Variants in DOCK8 observed in about 807,000 individuals in gnomAD.
DOCK8 encodes the protein dedicator of cytokinesis 8.
A neutral mutation model predicts 245.6 loss-of-function variants in DOCK8; 141 were observed. The observed-to-expected ratio is 0.57, with a 90% CI of 0.50 to 0.66. The LOEUF is 0.66. Ranked by LOEUF, DOCK8 falls within the 30% of genes least tolerant of loss-of-function variation. DOCK8 has a pLI of 0.00. For synonymous variants in DOCK8, 1,168 were observed against 970.2 expected (o/e 1.20, Z -3.79); for missense variants, 2,965 against 2,603.4 (o/e 1.14, Z -3.02).
chr9:458,894 A>G (rs2057722954), intron 46 of DOCK8, among the ~76,000 whole-genome samples: 1 of 152,080 alleles, frequency 6.6e-6, no homozygotes, highest in African/African-American at 2.4e-5. Flanking sequence ...AACTCTATAA[A>G]TGGAGGCCCC....
At chr9:279,846 T>TGCCCACCAG (rs1288716583) in intron 2 of DOCK8, among the ~76,000 whole-genome samples, 10 of 152,206 alleles carry the variant, frequency 6.6e-5, no homozygotes, top group African/African-American at 2.2e-4. Flanking sequence ...AGGAGTGGCG[T>TGCCCACCAG]GAAGCCTCCC....
intron 4 of DOCK8, among the ~76,000 whole-genome samples, chr9:299,758 A>G (rs948932844): frequency 6.6e-6 from 1 of 151,618 alleles, no homozygotes; most frequent in African/African-American, 2.4e-5. Flanking sequence ...GCGGTGGCAC[A>G]CATCTGTAAT....
rs757614870 is a variant in DOCK8, at chr9:420,479, G to T, written c.3919G>T (p.Ala1307Ser). 21 of 1,614,106 alleles carry T rather than the reference G, an allele frequency of 1.3e-5. No individual in the cohort carries two copies. Among genetic ancestry groups the T allele is most frequent in the Non-Finnish European group, 1.6e-5 (19 of 1,180,018 alleles). Residue 1307 changes from alanine to serine, a missense_variant, in exon 31 of 48, where the codon GCT becomes TCT. Around this residue, in one of 3 missense-constraint regions of DOCK8, gnomAD observed 2,825 missense variants for 2,453.5 expected, o/e 1.15. Coordinates refer to ENST00000432829, the MANE Select transcript of DOCK8 (RefSeq NM_203447.4). ...CTGCTTCCTCTGGATCATGAAAAATGCTGATCAGAGCCTCATTAGGAAGTG... is the reference window on the plus strand; with the variant it reads ...CTGCTTCCTCTGGATCATGAAAAATTCTGATCAGAGCCTCATTAGGAAGTG... ...MICFLWIMKN[A>S]DQSLIRKWIA...
rs1390934037 is a variant in DOCK8 at position 432,069 on chromosome 9, CTGAGGAGTTGTT to C, written c.4627-94_4627-83del. 8.7e-6 allele frequency: 11 copies of C among 1,263,842 alleles called. No individual in the cohort carries two copies. The Admixed American group carries it at 2.1e-4, about 24-fold the overall frequency. 78.3% of individuals were successfully genotyped at this position (1,263,842 alleles called of 1,614,324 possible). On this transcript the variant is annotated intron_variant, in intron 36 of 47. Transcript: ENST00000432829. ...TAATTAAGACGGGGCAAAGGAAACA[CTGAGGAGTTGTT>C]TGTGTCTGGCCATGCTGCTTTCAGT...
Position 367,962 on chromosome 9 carries a change from T to G in DOCK8, c.1680-56T>G, listed in dbSNP as rs182794138. On this transcript the variant is annotated intron_variant, in intron 14 of 47. Transcript: ENST00000432829. ...GAAGTCTCAGCATTTGCTGAAGAAC[T>G]TAGTTAAAATAAACTCTAGACCTTT... The G allele has an allele frequency of 4.9e-4, 693 of 1,424,338 alleles. 4 individuals carry two copies. The highest frequency in any genetic ancestry group is 3.3e-3 in the Middle Eastern group (16 of 4,858). 88.2% of individuals were successfully genotyped at this position (1,424,338 alleles called of 1,614,324 possible). A position where few individuals can be genotyped will look rare whatever the true frequency, so the allele number is the denominator to read the frequency against.
chr9:293,706 A>G (rs2049139933), intron 4 of DOCK8, among the ~76,000 whole-genome samples: 1 of 152,248 alleles, frequency 6.6e-6, no homozygotes, highest in South Asian at 2.1e-4. Context: ...AGATTCAGGC[A>G]TTAAGTTATC....
At chr9:347,502 T>G (rs1373369944) in intron 14 of DOCK8, among the ~76,000 whole-genome samples, 1 of 152,068 alleles carries the variant, frequency 6.6e-6, no homozygotes, top group Non-Finnish European at 1.5e-5. Context: ...TGAGACTCTT[T>G]CAAAAAACAA....
intron 14 of DOCK8, among the ~76,000 whole-genome samples, chr9:357,721 G>A (rs1017832538): frequency 1.3e-5 from 2 of 152,166 alleles, no homozygotes; most frequent in African/African-American, 2.4e-5. Flanking sequence ...TTACTAAGGG[G>A]CAAGCTGCTG....
chr9:287,792 T>C (rs1046812989), intron 3 of DOCK8, among the ~76,000 whole-genome samples: 1 of 152,228 alleles, frequency 6.6e-6, no homozygotes, highest in African/African-American at 2.4e-5. Context: ...CTATTTCATC[T>C]TTAGTGAAGA....
At chr9:212,331 G>T (rs1244318584), upstream of DOCK8, among the ~76,000 whole-genome samples, 4 of 152,178 alleles carry the variant, frequency 2.6e-5, no homozygotes, top group Non-Finnish European at 5.9e-5. Flanking sequence ...TATGGTCTGA[G>T]ATAGAAGTCA....
chr9:296,019 C>A (rs1371556290), intron 4 of DOCK8, among the ~76,000 whole-genome samples: 2 of 152,124 alleles, frequency 1.3e-5, no homozygotes, highest in African/African-American at 4.8e-5. Context: ...AATGTATTTT[C>A]TTACTTGAAA....
intron 4 of DOCK8, among the ~76,000 whole-genome samples, chr9:302,544 A>G (rs1431327052): frequency 6.6e-6 from 1 of 152,258 alleles, no homozygotes; most frequent in African/African-American, 2.4e-5. Flanking sequence ...AGAAGAAACT[A>G]TCAACAGAGT....
At chr9:234,821 A>T (rs1022151213) in intron 1 of DOCK8, among the ~76,000 whole-genome samples, 6 of 151,400 alleles carry the variant, frequency 4.0e-5, no homozygotes, top group Non-Finnish European at 8.8e-5. Context: ...AAAGCTTTTA[A>T]CTTCTTTGCC....
intron 1 of DOCK8, among the ~76,000 whole-genome samples, chr9:217,723 C>T (rs2046791330): frequency 6.6e-6 from 1 of 152,102 alleles, no homozygotes; most frequent in African/African-American, 2.4e-5. Context: ...TATTGTGTCC[C>T]AGACACTATA....
chr9:461,180 TTC>T (rs1427616676), intron 46 of DOCK8, among the ~76,000 whole-genome samples: 5 of 152,318 alleles, frequency 3.3e-5, no homozygotes, highest in East Asian at 1.9e-4. Flanking sequence ...TCTAAAGATT[TTC>T]TCTGTCTTTA....
chr9:220,632 T>G (rs553886142), intron 1 of DOCK8: 8 of 303,142 alleles, frequency 2.6e-5, no homozygotes, highest in Admixed American at 4.6e-5. Flanking sequence ...GGCAGGTGCT[T>G]ATTAACGTTT....
At chr9:416,237 C>G (rs10758552) in intron 29 of DOCK8, among the ~76,000 whole-genome samples, 48,671 of 151,922 alleles carry the variant, frequency 0.32, 8,474 homozygotes, top group East Asian at 0.51. Context: ...CCTGATTGCG[C>G]GGAATTGAAA....
chr9:400,187 T>C (rs867389100), intron 26 of DOCK8, among the ~76,000 whole-genome samples: 2,644 of 25,234 alleles, frequency 0.1, 18 homozygotes, highest in Middle Eastern at 0.21. Context: ...ACCACCTCCT[T>C]CACCATCACC....
chr9:440,971 T>C (rs2131807227), intron 40 of DOCK8, among the ~76,000 whole-genome samples: 1 of 152,266 alleles, frequency 6.6e-6, no homozygotes, highest in Middle Eastern at 3.4e-3. Flanking sequence ...TGGGTTCAAG[T>C]GATCCTCCTG....
Sources: allele counts gnomAD v4.1 joint callset (sites outside exome capture counted in the v4.1 genomes callset), GRCh38; gene constraint gnomAD v4.1.1; regional missense constraint gnomAD v4.1.1; transcripts MANE v1.5; gene names NCBI Gene and HGNC (gene_info 2026-07-23, HGNC 2026-07-21).